PLCE1: variants seen among roughly 807,000 people sequenced by gnomAD.
The protein encoded by PLCE1 is 1-phosphatidylinositol 4,5-bisphosphate phosphodiesterase epsilon-1.
A neutral mutation model predicts 242.8 loss-of-function variants in PLCE1; 119 were observed. The observed-to-expected ratio is 0.49, with a 90% confidence interval of 0.42 to 0.57. The LOEUF is 0.57. Among genes scored for constraint, PLCE1 ranks in the 20% least tolerant of loss-of-function variants. The probability of loss-of-function intolerance (pLI) is 0.00; values close to 1 mark genes in which losing one functional copy is unlikely to be tolerated. For missense variants in PLCE1, 2,441 were observed against 2,788.8 expected (o/e 0.88, Z 2.81); for synonymous variants, 945 against 1,017.4 (o/e 0.93, Z 1.35).
intron 3 of PLCE1, among the ~76,000 whole-genome samples, chr10:94,149,256 G>A (rs764388897): frequency 1.3e-5 from 2 of 152,154 alleles, no homozygotes; most frequent in Non-Finnish European, 2.9e-5. Context: ...CAGCCCAGAA[G>A]GTGGCTTCAA....
chr10:94,242,728 A>G (rs1411059650), intron 7 of PLCE1, among the ~76,000 whole-genome samples: 2 of 152,336 alleles, frequency 1.3e-5, no homozygotes, highest in South Asian at 2.1e-4. Flanking sequence ...TGTTGTAGTA[A>G]GGAAGTTCTC....
intron 4 of PLCE1, among the ~76,000 whole-genome samples, chr10:94,194,957 A>G (rs2048774016): frequency 6.6e-6 from 1 of 152,152 alleles, no homozygotes; most frequent in Non-Finnish European, 1.5e-5. Context: ...AACAGGGGCC[A>G]CCATTTTGAA....
intron 3 of PLCE1, among the ~76,000 whole-genome samples, chr10:94,163,504 G>T (rs2047687922): frequency 6.6e-6 from 1 of 151,860 alleles, no homozygotes; most frequent in Non-Finnish European, 1.5e-5. Flanking sequence ...TTTTCCATTT[G>T]CTTGGTAGAT....
At chr10:94,102,869 G>T (rs989292981) in intron 2 of PLCE1, among the ~76,000 whole-genome samples, 6 of 152,194 alleles carry the variant, frequency 3.9e-5, no homozygotes, top group African/African-American at 1.4e-4. Flanking sequence ...TCTACAAAAA[G>T]CCCTGGAATC....
At chr10:94,167,799 A>G (rs1564750251) in intron 3 of PLCE1, among the ~76,000 whole-genome samples, 1 of 151,062 alleles carries the variant, frequency 6.6e-6, no homozygotes, top group Non-Finnish European at 1.5e-5. Flanking sequence ...AGCTTCATCC[A>G]TGTCCCTAAT....
chr10:94,143,659 T>C (rs775939113), intron 3 of PLCE1, among the ~76,000 whole-genome samples: 7 of 152,208 alleles, frequency 4.6e-5, no homozygotes, highest in Non-Finnish European at 7.4e-5. Flanking sequence ...AAATAGTGAA[T>C]AAATTATTAC....
chr10:94,220,376 T>TTA (rs59633337), intron 4 of PLCE1, among the ~76,000 whole-genome samples: 3,295 of 61,338 alleles, frequency 0.054, 137 homozygotes, highest in East Asian at 0.14. Context: ...ACTAAACATT[T>TTA]TATATATATA....
chr10:94,271,271 G>A, intron 18 of PLCE1, among the ~76,000 whole-genome samples: 1 of 151,036 alleles, frequency 6.6e-6, no homozygotes, highest in East Asian at 1.9e-4. Context: ...AAATATCTCA[G>A]GGCAAGTAAG....
intron 4 of PLCE1, among the ~76,000 whole-genome samples, chr10:94,206,751 G>A (rs2049169256): frequency 6.6e-6 from 1 of 152,120 alleles, no homozygotes; most frequent in African/African-American, 2.4e-5. Context: ...GGAGCCCTAG[G>A]GAATATTCCT....
chr10:94,116,143 T>C (rs1421895995), intron 2 of PLCE1, among the ~76,000 whole-genome samples: 6 of 152,218 alleles, frequency 3.9e-5, no homozygotes. Flanking sequence ...TCTATCTTTC[T>C]GTCTTTCGGT....
chr10:94,187,146 A>ATGTGTGTGTG lies in PLCE1; in HGVS notation c.1809+15677_1809+15686dup, dbSNP rs372501153. Among the ~76,000 whole-genome samples, 1,022 of 145,484 alleles carry ATGTGTGTGTG rather than the reference A, an allele frequency of 7.0e-3. 5 individuals are homozygous for ATGTGTGTGTG. Among genetic ancestry groups the ATGTGTGTGTG allele is most frequent in the Non-Finnish European group, 7.1e-3 (473 of 66,834 alleles). On this transcript the variant is annotated intron_variant, in intron 4 of 32. Transcript: ENST00000371380. ...GTGGCTAAGCCAAGATGAAACATAT[A>ATGTGTGTGTG]TGTGTGTGTGTGTGTGTGTGTGTGT... is the stretch of plus-strand genomic sequence containing the variant.
At chr10:94,033,178 G>A (rs551480044) in intron 2 of PLCE1, among the ~76,000 whole-genome samples, 1 of 151,974 alleles carries the variant, frequency 6.6e-6, no homozygotes, top group Non-Finnish European at 1.5e-5. Context: ...GGGGTAGGGG[G>A]CAGTTCTGGA....
intron 13 of PLCE1, 57 bp from the exon 14 acceptor site, chr10:94,262,437 G>T: frequency 8.7e-7 from 1 of 1,147,810 alleles, no homozygotes; most frequent in South Asian, 1.2e-5. Flanking sequence ...TCTCCAAAAT[G>T]AACTTTGCAA....
chr10:94,203,834 T>G (rs1203737730), intron 4 of PLCE1, among the ~76,000 whole-genome samples: 1 of 152,190 alleles, frequency 6.6e-6, no homozygotes, highest in African/African-American at 2.4e-5. Flanking sequence ...TGAGTGAATA[T>G]CCACAACCTG....
chr10:94,232,241 G>A (rs1004139351), intron 5 of PLCE1, among the ~76,000 whole-genome samples: 8 of 152,094 alleles, frequency 5.3e-5, no homozygotes, highest in African/African-American at 1.9e-4. Flanking sequence ...ACTTCTTTAT[G>A]TCTTTGGATG....
In PLCE1 at chr10:94,252,403, G is replaced by A. The variant is rs773093424; in HGVS notation, c.3184G>A (p.Gly1062Arg). ...RRWSARNPSPGTSAKNAEKPN... is the reference protein window; with the variant it reads ...RRWSARNPSPRTSAKNAEKPN... Reference sequence around the variant, plus strand: ...GTGGAGTGCTCGAAACCCCAGCCCCGGAACATCAGCAAAGAATGCTGAGAA... The same window carrying A: ...GTGGAGTGCTCGAAACCCCAGCCCCAGAACATCAGCAAAGAATGCTGAGAA... Residue 1062 changes from glycine (G) to arginine (R), a missense_variant, in exon 9 of 33, where the codon GGA (glycine) becomes AGA (arginine). Transcript: ENST00000371380. The A allele has an allele frequency of 2.1e-5, 34 of 1,613,880 alleles. No individual in the cohort carries two copies. The highest frequency in any genetic ancestry group is 3.3e-5 in the Admixed American group (2 of 59,982).
At chr10:94,122,101 C>G (rs912826674) in intron 2 of PLCE1, among the ~76,000 whole-genome samples, 1 of 152,212 alleles carries the variant, frequency 6.6e-6, no homozygotes, top group Admixed American at 6.5e-5. Flanking sequence ...ATGTCAGGAA[C>G]TTTCTGTCCC....
intron 3 of PLCE1, among the ~76,000 whole-genome samples, chr10:94,153,669 T>G (rs957577419): frequency 6.6e-6 from 1 of 152,180 alleles, no homozygotes. Context: ...ACTATTAGAA[T>G]TAATAAATGA....
At chr10:94,094,834 C>T (rs1240011792) in intron 2 of PLCE1, 1 of 152,080 alleles carries the variant, frequency 6.6e-6, no homozygotes, top group South Asian at 2.1e-4. Context: ...TTAGTGGTCT[C>T]GGGTGCAAAA....
Sources: gnomAD v4.1 joint callset for allele counts (sites outside exome capture counted in the v4.1 genomes callset) on GRCh38, gnomAD v4.1.1 for gene constraint, MANE v1.5 for transcripts, NCBI Gene and HGNC (gene_info 2026-07-23, HGNC 2026-07-21) for gene names.